Variants in VSIG4 observed in about 807,000 individuals in gnomAD.
The protein encoded by VSIG4 is V-set and immunoglobulin domain-containing protein 4.
In VSIG4, 34 loss-of-function variants were observed where a neutral mutation model predicts 23.4. The observed-to-expected ratio is 1.45, with a 90% confidence interval of 1.10 to 1.93. The LOEUF (loss-of-function observed/expected upper bound fraction) is 1.93. VSIG4 is among the 30% of genes most tolerant of loss of function. VSIG4 has a pLI of 0.00. For synonymous variants in VSIG4, 169 were observed against 120.3 expected (o/e 1.41, Z -2.65); for missense variants, 433 against 310.8 (o/e 1.39, Z -2.96).
intron 1 of VSIG4, among the ~76,000 whole-genome samples, chrX:66,036,874 T>A (rs1300312081): frequency 5.2e-5 from 2 of 38,832 alleles, no homozygotes; most frequent in East Asian, 1.2e-3. Context: ...TATATTATAT[T>A]ATATATTATA....
At chrX:66,032,369 C>T (rs904270139) in intron 3 of VSIG4, 99 bp downstream of exon 3, 18 of 1,034,974 alleles carry the variant, frequency 1.7e-5, no homozygotes, top group African/African-American at 1.9e-5. Flanking sequence ...GCTTGGGATC[C>T]TCCTCTCCCA....
In VSIG4 at chrX:66,039,945, A is replaced by G. The variant is rs753537845; in HGVS notation, c.54T>C (p.Tyr18=). 1.8e-5 allele frequency: 22 copies of G among 1,209,597 alleles called. No homozygotes were observed. Among genetic ancestry groups the G allele is most frequent in the East Asian group, 1.8e-4 (6 of 33,708 alleles). ...GCCAGGCCCCCCTTTCTGCCTTACC[A>G]TAAGTGTCCACTGTTAGGTGCCCCA... ...LLLGHLTVDT[Y]GRPILEVPES... The change falls in exon 1 of 8, where the codon TAT becomes TAC. Residue 18 remains tyrosine, a splice_region_variant and synonymous_variant. Transcript: ENST00000374737.
Position 66,022,039 on chromosome X carries a change from C to T in VSIG4, c.*224G>A. 8.6e-7 allele frequency: 1 copy of T among 1,156,566 alleles called. No individual in the cohort carries two copies. The highest frequency in any genetic ancestry group is 1.2e-6 in the Non-Finnish European group (1 of 865,947). Reference sequence around the variant, plus strand: ...ATTTAGAGAGGAGTACCAGAAGCCCCCGGCAGAGATACTAGAAGGGCCCAG... The same window carrying T: ...ATTTAGAGAGGAGTACCAGAAGCCCTCGGCAGAGATACTAGAAGGGCCCAG... On this transcript the variant is annotated 3_prime_UTR_variant, in exon 8 of 8. Transcript: ENST00000374737.
intron 1 of VSIG4, among the ~76,000 whole-genome samples, chrX:66,036,965 TAA>T (rs2085578252): frequency 2.8e-5 from 1 of 35,175 alleles, no homozygotes; most frequent in African/African-American, 2.1e-4. Context: ...TTATATTATA[TAA>T]TATATAATAT....
intron 5 of VSIG4, 82 bp from the exon 6 acceptor site, chrX:66,025,211 G>T: frequency 1.5e-6 from 1 of 650,613 alleles, no homozygotes; most frequent in Non-Finnish European, 2.2e-6. Flanking sequence ...CCTAGACTAA[G>T]CCAGGCCTTT....
intron 6 of VSIG4, among the ~76,000 whole-genome samples, chrX:66,024,340 C>T (rs2085365652): frequency 1.8e-5 from 2 of 111,941 alleles, no homozygotes; most frequent in South Asian, 3.7e-4. Context: ...GAAGAAAGTC[C>T]AAATTATTTA....
In VSIG4 at chrX:66,022,256, G is replaced by A; in HGVS notation, c.*7C>T. On this transcript the variant is annotated 3_prime_UTR_variant, in exon 8 of 8. Transcript: ENST00000374737. ...ATGTCAGCAGATCCTGGCCTAATGG[G>A]GCATTTTTAACAGACACTTTTGCCC... The A allele has an allele frequency of 8.3e-7, 1 of 1,211,996 alleles. No individual in the cohort carries two copies. Among genetic ancestry groups the A allele is most frequent in the African/African-American group, 1.7e-5 (1 of 57,935 alleles).
In VSIG4 at chrX:66,032,653, G is replaced by A. The variant is rs768706687; in HGVS notation, c.509C>T (p.Ser170Phe). ...RISLQCQARG[S>F]PPISYIWYKQ... ...ATACCAAATATAACTGATGGGAGGA[G>A]AACCCCGAGCCTGGCATTGAAGGCT... Residue 170 changes from serine (S) to phenylalanine (F), a missense_variant, in exon 3 of 8, where the codon TCT becomes TTT. By Grantham distance (155) the Ser-to-Phe change is radical. Coordinates refer to ENST00000374737, the MANE Select transcript of VSIG4 (RefSeq NM_007268.3). 4 of 1,211,368 alleles carry A rather than the reference G, an allele frequency of 3.3e-6. No individual in the cohort carries two copies. The highest frequency in any genetic ancestry group is 1.7e-5 in the African/African-American group (1 of 57,713).
intron 5 of VSIG4, among the ~76,000 whole-genome samples, chrX:66,025,913 TG>T (rs1336906188): frequency 8.9e-6 from 1 of 112,386 alleles, no homozygotes; most frequent in Non-Finnish European, 1.9e-5. Flanking sequence ...AACATAGCCT[TG>T]CTGACTGACA....
At position 66,032,680 on chromosome X, in the gene VSIG4, A is replaced by T. The variant is rs1426634577; in HGVS notation, c.482T>A (p.Ile161Asn). Residue 161 changes from isoleucine (I) to asparagine (N), a missense_variant, in exon 3 of 8, where the codon ATT (isoleucine) becomes AAT (asparagine). Transcript: ENST00000374737. ...ACCCCGAGCCTGGCATTGAAGGCTA[A>T]TCCTCATTCCCTGGGGCACCGTGAA... is the stretch of plus-strand genomic sequence containing the variant. ...YGFTVPQGMR[I>N]SLQCQARGSP... is the part of the protein sequence containing the mutation. The T allele has an allele frequency of 8.3e-7, 1 of 1,211,512 alleles. No homozygotes were observed.
At chrX:66,038,474 C>G (rs1038086853) in intron 1 of VSIG4, among the ~76,000 whole-genome samples, 1 of 88,744 alleles carries the variant, frequency 1.1e-5, no homozygotes, top group Admixed American at 1.1e-4. Context: ...AGTGCTCTCT[C>G]TCTCTCTCAC....
At chrX:66,027,372 A>G (rs970036850) in intron 5 of VSIG4, 77 bp downstream of exon 5, 14 of 852,010 alleles carry the variant, frequency 1.6e-5, no homozygotes, top group Non-Finnish European at 2.4e-5. Context: ...GCTGTAGAAC[A>G]GTGTGCATAA....
intron 6 of VSIG4, among the ~76,000 whole-genome samples, chrX:66,023,954 A>T (rs1294315080): frequency 2.7e-5 from 3 of 112,478 alleles, no homozygotes; most frequent in African/African-American, 9.7e-5. Flanking sequence ...GTTTGTAGTC[A>T]TGTGCTATCA....
In VSIG4 at chrX:66,027,440, T is replaced by C. The variant is rs769427570; in HGVS notation, c.835+9A>G. Reference sequence around the variant, plus strand: ...GAAGAAAAGATAGAAATCCTGACAATATTCCTACCTGGCCCAGCACTGGTC... The same window carrying C: ...GAAGAAAAGATAGAAATCCTGACAACATTCCTACCTGGCCCAGCACTGGTC... On this transcript the variant is annotated intron_variant, in intron 5 of 7. Transcript: ENST00000374737. 1.7e-6 allele frequency: 2 copies of C among 1,193,000 alleles called. No individual in the cohort carries two copies. The highest frequency in any genetic ancestry group is 2.3e-6 in the Non-Finnish European group (2 of 884,165).
chrX:66,040,047 G>C lies in VSIG4; in HGVS notation c.-49C>G, dbSNP rs1291226076. Reference sequence around the variant, plus strand: ...TTTCTTCCAGCCTCCTGCTACCAAAGAGGCTCAAACTTCTGGTGGCCGCCA... The same window carrying C: ...TTTCTTCCAGCCTCCTGCTACCAAACAGGCTCAAACTTCTGGTGGCCGCCA... On this transcript the variant is annotated 5_prime_UTR_variant, in exon 1 of 8. Coordinates refer to ENST00000374737, the MANE Select transcript of VSIG4 (RefSeq NM_007268.3). 6 of 1,194,197 alleles carry C rather than the reference G, an allele frequency of 5.0e-6. No individual in the cohort carries two copies. The East Asian group carries it at 1.8e-4, about 36-fold the overall frequency.
At chrX:66,037,613 G>T (rs2085629256) in intron 1 of VSIG4, among the ~76,000 whole-genome samples, 1 of 74,558 alleles carries the variant, frequency 1.3e-5, no homozygotes, top group African/African-American at 5.4e-5. Context: ...CCACTTTACT[G>T]ATAATTACTT....
At chrX:66,022,676 C>A (rs944959738) in intron 7 of VSIG4, 165 bp downstream of exon 7, 1 of 1,131,903 alleles carries the variant, frequency 8.8e-7, no homozygotes, top group Non-Finnish European at 1.2e-6. Context: ...CCAAAACAAC[C>A]TCAGAAGGTG....
In VSIG4 at chrX:66,032,668, C is replaced by G. The variant is rs1193484510; in HGVS notation, c.494G>C (p.Cys165Ser). The G allele has an allele frequency of 8.3e-7, 1 of 1,211,252 alleles. No homozygotes were observed. The highest frequency in any genetic ancestry group is 2.2e-5 in the Admixed American group (1 of 46,011). The change falls in exon 3 of 8, where the codon TGC becomes TCC. Residue 165 changes from cysteine to serine, a missense_variant. Physicochemically the swap from Cys to Ser is moderately radical, Grantham distance 112 (BLOSUM62 -1). Coordinates refer to ENST00000374737, the MANE Select transcript of VSIG4 (RefSeq NM_007268.3). ...VPQGMRISLQ[C>S]QARGSPPISY... Reference sequence around the variant, plus strand: ...GATGGGAGGAGAACCCCGAGCCTGGCATTGAAGGCTAATCCTCATTCCCTG... The same window carrying G: ...GATGGGAGGAGAACCCCGAGCCTGGGATTGAAGGCTAATCCTCATTCCCTG...
intron 4 of VSIG4, 88 bp downstream of exon 4, chrX:66,027,962 G>A: frequency 3.4e-6 from 3 of 869,634 alleles, no homozygotes; most frequent in Admixed American, 4.5e-5. Flanking sequence ...CTGTTTATTA[G>A]CCATTCCATG....
Sources: allele counts gnomAD v4.1 joint callset (sites outside exome capture counted in the v4.1 genomes callset), GRCh38; gene constraint gnomAD v4.1.1; transcripts MANE v1.5; gene names NCBI Gene and HGNC (gene_info 2026-07-23, HGNC 2026-07-21).